Variants in NCOA3 observed in about 807,000 individuals in gnomAD.
NCOA3 encodes nuclear receptor coactivator 3.
In NCOA3, 51 loss-of-function variants were observed where a neutral mutation model predicts 158.8. The ratio of observed to expected loss-of-function variants is 0.32; its 90% CI spans 0.26 to 0.41. The LOEUF (loss-of-function observed/expected upper bound fraction) is 0.41, where lower values mean the gene tolerates loss of function less well. Among genes scored for constraint, NCOA3 ranks in the 10% least tolerant of loss-of-function variants. The pLI, the probability that NCOA3 is intolerant of heterozygous loss-of-function variation, is 1.00. For synonymous variants in NCOA3, 537 were observed against 592.4 expected, an observed-to-expected ratio of 0.91 and a Z score of 1.36; for missense variants, 1,510 against 1,746.6, an observed-to-expected ratio of 0.86 and a Z score of 2.41.
At position 47,633,504 on chromosome 20, in the gene NCOA3, G is replaced by A. The variant is rs982079837; in HGVS notation, c.832G>A (p.Val278Ile). 1.9e-6 allele frequency: 3 copies of A among 1,608,722 alleles called. No individual in the cohort carries two copies. The African/African-American group carries it at 4.0e-5, about 22-fold the overall frequency. Reference protein sequence around the residue: ...ITRHDLSGKVVNIDTNSLRSS... With the variant: ...ITRHDLSGKVINIDTNSLRSS... Reference sequence around the variant, plus strand: ...CTTTTTTTGTTTAATAGGAAAGGTTGTCAATATAGATACAAATTCACTGAG... The same window carrying A: ...CTTTTTTTGTTTAATAGGAAAGGTTATCAATATAGATACAAATTCACTGAG... Residue 278 changes from valine to isoleucine, a missense_variant, in exon 9 of 23, where the codon GTC (valine) becomes ATC (isoleucine). Coordinates refer to ENST00000371998, the MANE Select transcript of NCOA3 (RefSeq NM_181659.3).
chr20:47,568,933 G>A (rs1445244201), intron 1 of NCOA3, among the ~76,000 whole-genome samples: 1 of 152,070 alleles, frequency 6.6e-6, no homozygotes, highest in Non-Finnish European at 1.5e-5. Flanking sequence ...TGAAGGCTGG[G>A]GTGGCTGGGA....
intron 10 of NCOA3, among the ~76,000 whole-genome samples, chr20:47,634,917 CTTCTTT>C (rs1470533476): frequency 2.2e-4 from 30 of 139,150 alleles, no homozygotes; most frequent in African/African-American, 7.7e-4. Flanking sequence ...TTCTTCTCTT[CTTCTTT>C]TTTTTTTTTT....
chr20:47,572,533 C>T lies in NCOA3; in HGVS notation c.-98-10650C>T, dbSNP rs149173263. Among the ~76,000 whole-genome samples the T allele has an allele frequency of 4.6e-5, 7 of 151,776 alleles. No individual in the cohort carries two copies. In the East Asian group the frequency reaches 1.2e-3, roughly 25 times the overall value. ...CACTAAGCTTAATCATTTCTAGCCC[C>T]CCCCACCTGCCTTTTTTTTTTATGA... is the stretch of plus-strand genomic sequence containing the variant. On this transcript the variant is annotated intron_variant, in intron 1 of 22. Transcript: ENST00000371998.
At chr20:47,646,470 A>G (rs1306781051) in intron 17 of NCOA3, among the ~76,000 whole-genome samples, 1 of 152,174 alleles carries the variant, frequency 6.6e-6, no homozygotes, top group Non-Finnish European at 1.5e-5. Flanking sequence ...CTGCCTGTTA[A>G]GTTTGAGATA....
At chr20:47,558,807 C>T (rs1209707020) in intron 1 of NCOA3, among the ~76,000 whole-genome samples, 3 of 146,396 alleles carry the variant, frequency 2.0e-5, no homozygotes, top group African/African-American at 7.8e-5. Flanking sequence ...CCCTTCACTC[C>T]CTACTTTTTT....
At chr20:47,513,929 A>G (rs1198310660) in intron 1 of NCOA3, among the ~76,000 whole-genome samples, 1 of 152,048 alleles carries the variant, frequency 6.6e-6, no homozygotes, top group African/African-American at 2.4e-5. Flanking sequence ...AAGTTTGCCA[A>G]AAATATAGGC....
intron 17 of NCOA3, among the ~76,000 whole-genome samples, chr20:47,646,239 G>C (rs1602539289): frequency 6.6e-6 from 1 of 152,174 alleles, no homozygotes; most frequent in Non-Finnish European, 1.5e-5. Flanking sequence ...ACACTGTATT[G>C]TTTAGGGAAT....
Position 47,656,802 on chromosome 20 carries a change from G to A in NCOA3, c.*3385G>A, listed in dbSNP as rs1398314235. The A allele has an allele frequency of 6.6e-6, 1 of 152,222 alleles. No homozygotes were observed. The highest frequency in any genetic ancestry group is 2.4e-5 in the African/African-American group (1 of 41,352). 9.4% of individuals were successfully genotyped at this position (152,222 alleles called of 1,614,324 possible). On this transcript the variant is annotated 3_prime_UTR_variant, in exon 23 of 23. Coordinates refer to ENST00000371998, the MANE Select transcript of NCOA3 (RefSeq NM_181659.3). ...TTGAAACCACATGAAATGACTTATG[G>A]GGGATGGTGAGCTGTGACTGCTTTG...
At chr20:47,534,880 A>T (rs2084606913) in intron 1 of NCOA3, among the ~76,000 whole-genome samples, 2 of 151,586 alleles carry the variant, frequency 1.3e-5, no homozygotes, top group African/African-American at 4.8e-5. Context: ...ATGCCATTGC[A>T]CTATAGCGTG....
chr20:47,640,184 T>C lies in NCOA3; in HGVS notation c.3080+133T>C, dbSNP rs72645277. Reference sequence around the variant, plus strand: ...GAGGTACTGGGTTGCCAGCTGGGCATTTCTCGTGTAACTCTGTGTAAAAAT... The same window carrying C: ...GAGGTACTGGGTTGCCAGCTGGGCACTTCTCGTGTAACTCTGTGTAAAAAT... On this transcript the variant is annotated intron_variant, in intron 16 of 22. Transcript: ENST00000371998. 4.2e-6 allele frequency: 5 copies of C among 1,193,524 alleles called. No individual in the cohort carries two copies. In the East Asian group the frequency reaches 9.7e-5, roughly 23 times the overall value. 73.9% of individuals were successfully genotyped at this position (1,193,524 alleles called of 1,614,324 possible).
chr20:47,585,712 C>A (rs772888490), intron 2 of NCOA3, among the ~76,000 whole-genome samples: 17 of 152,126 alleles, frequency 1.1e-4, no homozygotes, highest in Non-Finnish European at 2.2e-4. Context: ...ATACTTTTAG[C>A]CAAGCTTATG....
At chr20:47,570,532 C>T (rs1052088962) in intron 1 of NCOA3, among the ~76,000 whole-genome samples, 5 of 152,220 alleles carry the variant, frequency 3.3e-5, no homozygotes, top group Non-Finnish European at 7.3e-5. Context: ...GATTCCATGT[C>T]TTTTCCTATT....
chr20:47,577,799 G>T (rs1205595510), intron 1 of NCOA3, among the ~76,000 whole-genome samples: 1 of 152,160 alleles, frequency 6.6e-6, no homozygotes, highest in Non-Finnish European at 1.5e-5. Context: ...AGAAGCCAAG[G>T]CGTCTGTTTT....
rs1426746906 is a variant in NCOA3, at chr20:47,650,965, T to A, written c.3652-17T>A. 6.2e-7 allele frequency: 1 copy of A among 1,610,722 alleles called. No individual in the cohort carries two copies. Among genetic ancestry groups the A allele is most frequent in the South Asian group, 1.1e-5 (1 of 91,032 alleles). ...TCTTGCTATATATATGTAATTGCAC[T>A]CTTTCTTGGGTATTAGCAGGGTTTT... On this transcript the variant is annotated splice_polypyrimidine_tract_variant and intron_variant, in intron 19 of 22. Coordinates refer to ENST00000371998, the MANE Select transcript of NCOA3 (RefSeq NM_181659.3).
Position 47,541,253 on chromosome 20 carries a change from C to G in NCOA3, c.-99+39234C>G, listed in dbSNP as rs1404437600. Among the ~76,000 whole-genome samples the G allele has an allele frequency of 2.0e-5, 3 of 150,956 alleles. No homozygotes were observed. The East Asian group carries it at 5.9e-4, about 29-fold the overall frequency. The stretch of plus-strand genomic sequence containing the variant: ...GTCACTTTTTGTGACTTGTAGCATT[C>G]ATGATTAACTTCTAAAGGGTGGAAA... On this transcript the variant is annotated intron_variant, in intron 1 of 22. Coordinates refer to ENST00000371998, the MANE Select transcript of NCOA3 (RefSeq NM_181659.3).
At chr20:47,651,376 C>G in intron 20 of NCOA3, 100 bp downstream of exon 20, 3 of 1,497,454 alleles carry the variant, frequency 2.0e-6, no homozygotes, top group Non-Finnish European at 2.7e-6. Flanking sequence ...ACACGATTCA[C>G]TCCCTCTTTA....
At chr20:47,567,151 G>A (rs977046182) in intron 1 of NCOA3, among the ~76,000 whole-genome samples, 1 of 151,680 alleles carries the variant, frequency 6.6e-6, no homozygotes, top group Admixed American at 6.6e-5. Context: ...GGGTTCAAGC[G>A]ATTCTCCTGC....
At chr20:47,569,808 A>G (rs556720464) in intron 1 of NCOA3, among the ~76,000 whole-genome samples, 2 of 152,266 alleles carry the variant, frequency 1.3e-5, no homozygotes, top group East Asian at 3.9e-4. Context: ...CAGGAGATCA[A>G]GACCATCCTG....
intron 1 of NCOA3, among the ~76,000 whole-genome samples, chr20:47,511,584 T>A (rs2084142676): frequency 8.5e-6 from 1 of 117,120 alleles, no homozygotes. Context: ...ACGGTCTTGC[T>A]CTGTCACCCA....
Sources: gnomAD v4.1 joint callset for allele counts (sites outside exome capture counted in the v4.1 genomes callset) on GRCh38, gnomAD v4.1.1 for gene constraint, MANE v1.5 for transcripts, NCBI Gene and HGNC (gene_info 2026-07-23, HGNC 2026-07-21) for gene names.